The following SCFD2 variants were observed in gnomAD, a reference collection of about 807,000 sequenced individuals.
SCFD2 encodes sec1 family domain-containing protein 2.
In SCFD2, 54 loss-of-function variants were observed where a neutral mutation model predicts 58.9. The observed-to-expected ratio is 0.92, with a 90% CI of 0.74 to 1.15. The LOEUF (loss-of-function observed/expected upper bound fraction) is 1.15. SCFD2 is among the 50% of genes most tolerant of loss of function. The pLI is 0.00. For missense variants in SCFD2, 805 were observed against 836.6 expected (o/e 0.96, Z 0.47); for synonymous variants, 321 against 335.9 (o/e 0.96, Z 0.49).
intron 5 of SCFD2, among the ~76,000 whole-genome samples, chr4:52,934,677 G>A (rs1294713664): frequency 6.6e-6 from 1 of 152,162 alleles, no homozygotes; most frequent in Non-Finnish European, 1.5e-5. Context: ...CACATCACCT[G>A]TATTATCTGA....
chr4:52,980,429 T>C (rs1392318846), intron 5 of SCFD2, among the ~76,000 whole-genome samples: 2 of 152,182 alleles, frequency 1.3e-5, no homozygotes, highest in Non-Finnish European at 2.9e-5. Context: ...ACTCAAACAG[T>C]GGCTTACCTG....
At chr4:52,915,137 T>C (rs1719572792) in intron 6 of SCFD2, among the ~76,000 whole-genome samples, 1 of 152,206 alleles carries the variant, frequency 6.6e-6, no homozygotes, top group Admixed American at 6.5e-5. Context: ...GTAAGTCAGA[T>C]ACAATCTTGA....
chr4:53,332,811 C>T (rs1733534630), intron 2 of SCFD2, among the ~76,000 whole-genome samples: 1 of 150,960 alleles, frequency 6.6e-6, no homozygotes, highest in Non-Finnish European at 1.5e-5. Flanking sequence ...TCAAATTGTC[C>T]CTGTTTGCAG....
intron 2 of SCFD2, 101 bp from the exon 3 acceptor site, chr4:53,313,864 T>C (rs1298337183): frequency 5.4e-6 from 6 of 1,120,084 alleles, no homozygotes; most frequent in East Asian, 2.5e-5. Flanking sequence ...TGAGCATTAA[T>C]GTAGTCTTTC....
intron 5 of SCFD2, among the ~76,000 whole-genome samples, chr4:52,970,311 T>A (rs1038143473): frequency 6.6e-6 from 1 of 152,220 alleles, no homozygotes; most frequent in Admixed American, 6.5e-5. Flanking sequence ...ATCGGGTCAC[T>A]CCCACCCTAA....
chr4:53,349,454 A>C (rs1394604188), intron 2 of SCFD2, among the ~76,000 whole-genome samples: 1 of 152,212 alleles, frequency 6.6e-6, no homozygotes, highest in Non-Finnish European at 1.5e-5. Flanking sequence ...GATGTGAGCA[A>C]GATAGCTGCA....
intron 5 of SCFD2, among the ~76,000 whole-genome samples, chr4:53,033,690 C>T (rs547551842): frequency 3.4e-3 from 522 of 152,310 alleles, no homozygotes; most frequent in Non-Finnish European, 6.0e-3. Context: ...ACTATAAACA[C>T]TTCTATGCAA....
Position 52,877,906 on chromosome 4 carries a change from C to T in SCFD2, c.1963-3845G>A, listed in dbSNP as rs139407179. Among the ~76,000 whole-genome samples the T allele has an allele frequency of 4.3e-3, 655 of 152,342 alleles. 1 individual carries two copies. Among genetic ancestry groups the T allele is most frequent in the Non-Finnish European group, 7.0e-3 (478 of 68,030 alleles). On this transcript the variant is annotated intron_variant, in intron 8 of 8. Transcript: ENST00000401642. ...CTGAATGCTGCCAGCACTCCACATC[C>T]GGCCCTTGCCTCCACACCCCCAAAT...
chr4:53,343,561 C>G (rs1733954716), intron 2 of SCFD2, among the ~76,000 whole-genome samples: 1 of 152,170 alleles, frequency 6.6e-6, no homozygotes, highest in East Asian at 1.9e-4. Flanking sequence ...TGAAACTATT[C>G]CAACTGATAG....
intron 3 of SCFD2, among the ~76,000 whole-genome samples, chr4:53,307,506 T>G (rs1230952567): frequency 6.6e-6 from 1 of 152,100 alleles, no homozygotes; most frequent in African/African-American, 2.4e-5. Context: ...ATGTAACCCA[T>G]CAGTGAGGAC....
At chr4:53,343,454 ATAAT>A (rs1430588144) in intron 2 of SCFD2, among the ~76,000 whole-genome samples, 1 of 152,198 alleles carries the variant, frequency 6.6e-6, no homozygotes, top group African/African-American at 2.4e-5. Context: ...AATTGAGGCA[ATAAT>A]TAATAGCCTA....
chr4:53,335,822 C>T (rs915100522), intron 2 of SCFD2, among the ~76,000 whole-genome samples: 1 of 152,114 alleles, frequency 6.6e-6, no homozygotes, highest in Admixed American at 6.6e-5. Context: ...GGAAATACTA[C>T]TCTAAGTAAA....
chr4:53,342,970 G>T (rs540346850), intron 2 of SCFD2, among the ~76,000 whole-genome samples: 69 of 152,162 alleles, frequency 4.5e-4, no homozygotes, highest in Non-Finnish European at 8.2e-4. Context: ...TATGTAGAGG[G>T]AAATTTATAG....
At chr4:52,973,701 G>T (rs1455703751) in intron 5 of SCFD2, among the ~76,000 whole-genome samples, 2 of 152,158 alleles carry the variant, frequency 1.3e-5, no homozygotes, top group South Asian at 2.1e-4. Flanking sequence ...CCAAAGCCTG[G>T]CAGAGACACA....
chr4:53,299,413 C>G (rs888720041), intron 3 of SCFD2, among the ~76,000 whole-genome samples: 3 of 152,050 alleles, frequency 2.0e-5, no homozygotes, highest in African/African-American at 7.2e-5. Flanking sequence ...TAAAAAGAAA[C>G]GAACAAAGCC....
At chr4:53,040,684 A>G (rs1047366933) in intron 5 of SCFD2, among the ~76,000 whole-genome samples, 2 of 152,108 alleles carry the variant, frequency 1.3e-5, no homozygotes, top group African/African-American at 4.8e-5. Flanking sequence ...GCAAACTCCA[A>G]CCACATTAAG....
At chr4:53,247,807 G>A (rs1420021665) in intron 4 of SCFD2, among the ~76,000 whole-genome samples, 3 of 132,300 alleles carry the variant, frequency 2.3e-5, no homozygotes, top group Admixed American at 1.7e-4. Flanking sequence ...CTTGCAGTGA[G>A]CCGAGATTGC....
At chr4:53,140,919 G>A (rs1238376384) in intron 5 of SCFD2, among the ~76,000 whole-genome samples, 1 of 152,088 alleles carries the variant, frequency 6.6e-6, no homozygotes, top group Non-Finnish European at 1.5e-5. Flanking sequence ...TACAAAAATG[G>A]TTACTTTCTT....
chr4:52,920,573 G>A, intron 6 of SCFD2, 152 bp downstream of exon 6: 1 of 468,448 alleles, frequency 2.1e-6, no homozygotes, highest in Non-Finnish European at 3.7e-6. Flanking sequence ...AGATTCCGTG[G>A]GACCCAAAAC....
Sources: allele counts gnomAD v4.1 joint callset (sites outside exome capture counted in the v4.1 genomes callset), GRCh38; gene constraint gnomAD v4.1.1; transcripts MANE v1.5; gene names NCBI Gene and HGNC (gene_info 2026-07-23, HGNC 2026-07-21).